The following ARHGAP39 variants were observed in gnomAD, a reference collection of about 807,000 sequenced individuals.
The protein encoded by ARHGAP39 is rho GTPase-activating protein 39.
A neutral mutation model predicts 106.9 loss-of-function variants in ARHGAP39; 44 were observed. That is an observed-to-expected ratio of 0.41 (90% CI 0.32 to 0.53). The LOEUF is 0.53. ARHGAP39 is among the 20% of genes least tolerant of loss of function. The pLI, the probability that ARHGAP39 is intolerant of heterozygous loss-of-function variation, is 0.21. For synonymous variants in ARHGAP39, 768 were observed against 693.2 expected, an observed-to-expected ratio of 1.11 and a Z score of -1.69; for missense variants, 1,496 against 1,577.3, an observed-to-expected ratio of 0.95 and a Z score of 0.87.
At chr8:144,662,509 G>A (rs112950952) in intron 1 of ARHGAP39, among the ~76,000 whole-genome samples, 6 of 94,704 alleles carry the variant, frequency 6.3e-5, no homozygotes, top group South Asian at 4.1e-4. Context: ...ACTGCTCCCC[G>A]TCAGCATTAT....
At chr8:144,673,114 G>C (rs1454416871) in intron 1 of ARHGAP39, among the ~76,000 whole-genome samples, 2 of 152,116 alleles carry the variant, frequency 1.3e-5, no homozygotes, top group Non-Finnish European at 2.9e-5. Flanking sequence ...CTACTTGGGA[G>C]GCTGAGGCAG....
At chr8:144,688,213 C>A (rs1225922027), upstream of ARHGAP39, among the ~76,000 whole-genome samples, 1 of 151,454 alleles carries the variant, frequency 6.6e-6, no homozygotes, top group Non-Finnish European at 1.5e-5. Flanking sequence ...AAGCAATTCT[C>A]CTGCCTCAAC....
intron 2 of ARHGAP39, among the ~76,000 whole-genome samples, chr8:144,583,798 G>A (rs1819088323): frequency 6.6e-6 from 1 of 152,034 alleles, no homozygotes. Context: ...TACTGTCATT[G>A]GAAAAAAAAC....
At chr8:144,643,808 T>A (rs1280790668) in intron 1 of ARHGAP39, among the ~76,000 whole-genome samples, 1 of 152,216 alleles carries the variant, frequency 6.6e-6, no homozygotes, top group Non-Finnish European at 1.5e-5. Context: ...CTTTTCATCT[T>A]CTTAATGGTG....
At chr8:144,698,087 TAGG>T in the ARHGAP39 span, among the ~76,000 whole-genome samples, 4 of 152,168 alleles carry the variant, frequency 2.6e-5, no homozygotes, top group Non-Finnish European at 4.4e-5. Context: ...TGGTACTTGG[TAGG>T]AGGTGTTTGG....
intron 5 of ARHGAP39, among the ~76,000 whole-genome samples, chr8:144,546,478 C>A (rs1817426893): frequency 6.6e-6 from 1 of 152,324 alleles, no homozygotes; most frequent in East Asian, 1.9e-4. Context: ...TGTGTTCCTC[C>A]TCCACCCTCC....
chr8:144,547,027 A>G lies in ARHGAP39; in HGVS notation c.1959+100T>C. On this transcript the variant is annotated intron_variant, in intron 5 of 11. Transcript: ENST00000377307. This position sits in a 1 kb window ranked among gnomAD's most constrained non-coding sequence, Gnocchi z 5.2. Reference sequence around the variant, plus strand: ...CTTCAGAACTCTGCGTGCTGCGTGCACGCCCTGGACGCCAGGTCTCCTGTG... The same window carrying G: ...CTTCAGAACTCTGCGTGCTGCGTGCGCGCCCTGGACGCCAGGTCTCCTGTG... The G allele has an allele frequency of 7.2e-7, 1 of 1,384,980 alleles. No individual in the cohort carries two copies. The highest frequency in any genetic ancestry group is 9.6e-7 in the Non-Finnish European group (1 of 1,045,852). The allele number at this position is 1,384,980 out of a possible 1,614,324, so 85.8% of individuals were successfully genotyped here.
rs1356251595 is a variant in ARHGAP39, at chr8:144,532,396, C to T, written c.2889G>A (p.Arg963=). The stretch of plus-strand genomic sequence containing the variant: ...TCACCTCGTCAATGTCCCCAGGGAC[C>T]CTGCAGGGCACAGGGCAGGTCTCAG... The part of the protein sequence containing the change: ...LNGDQTEGIF[R]VPGDIDEVNA... Residue 963 remains arginine (R), a splice_region_variant and synonymous_variant, in exon 10 of 12, where the codon AGG becomes AGA. Coordinates refer to ENST00000377307, the MANE Select transcript of ARHGAP39 (RefSeq NM_025251.3). The T allele has an allele frequency of 3.2e-6, 5 of 1,579,870 alleles. No homozygotes were observed. The Admixed American group carries it at 8.9e-5, about 28-fold the overall frequency.
In ARHGAP39 at chr8:144,534,232, ATGTGGGTG is replaced by A. The variant is rs760233362; in HGVS notation, c.2615-38_2615-31del. 3.4e-5 allele frequency: 55 copies of A among 1,610,268 alleles called. No homozygotes were observed. The African/African-American group carries it at 5.7e-4, about 17-fold the overall frequency. The stretch of plus-strand genomic sequence containing the variant: ...AAAGGAAAGGGGCCTGATCAGCCTG[ATGTGGGTG>A]TGTGGGTGTGGGGCCAGGAGAGGGG... On this transcript the variant is annotated intron_variant, in intron 7 of 11. Coordinates refer to ENST00000377307, the MANE Select transcript of ARHGAP39 (RefSeq NM_025251.3).
chr8:144,685,233 CCCA>C (rs1043618154), intron 1 of ARHGAP39, among the ~76,000 whole-genome samples: 13 of 150,984 alleles, frequency 8.6e-5, no homozygotes, highest in Admixed American at 2.6e-4. Context: ...CACACTCATA[CCCA>C]CCGTGGACAG....
intron 3 of ARHGAP39, among the ~76,000 whole-genome samples, chr8:144,559,009 C>G (rs952035336): frequency 1.3e-5 from 2 of 152,068 alleles, no homozygotes; most frequent in Non-Finnish European, 2.9e-5. Flanking sequence ...GAGTTTGAGA[C>G]CAGCCTGGCC....
rs1822107642 is a variant in ARHGAP39 at position 144,671,791 on chromosome 8, G to C, written c.-82+13895C>G. 6.6e-6 allele frequency among the ~76,000 whole-genome samples: 1 copy of C among 152,210 alleles called. No individual in the cohort carries two copies. The highest frequency in any genetic ancestry group is 2.1e-4 in the South Asian group (1 of 4,830). ...GGATGTTAGCACAACTCACTCCCGT[G>C]TCCCCCACCAGAGGCCTGGTCTGTC... is the stretch of plus-strand genomic sequence containing the variant. On this transcript the variant is annotated intron_variant, in intron 1 of 11. Coordinates refer to ENST00000377307, the MANE Select transcript of ARHGAP39 (RefSeq NM_025251.3). This position sits in a 1 kb window ranked among gnomAD's most constrained non-coding sequence, Gnocchi z 4.5.
chr8:144,541,972 T>C (rs1293565467), intron 6 of ARHGAP39, among the ~76,000 whole-genome samples: 2 of 26,234 alleles, frequency 7.6e-5, no homozygotes, highest in Non-Finnish European at 1.5e-4. Context: ...CCTTTCTGGG[T>C]TTTTTTTTTT....
chr8:144,564,782 A>G (rs780623830), intron 3 of ARHGAP39, among the ~76,000 whole-genome samples: 2 of 150,840 alleles, frequency 1.3e-5, no homozygotes, highest in Non-Finnish European at 3.0e-5. Context: ...GGAGTCTGAG[A>G]CCAGCCTGGG....
chr8:144,540,381 G>A (rs770163130), intron 6 of ARHGAP39, among the ~76,000 whole-genome samples: 4 of 152,120 alleles, frequency 2.6e-5, no homozygotes, highest in Non-Finnish European at 5.9e-5. Context: ...GGGCCACAGA[G>A]TCTCAGAATA....
chr8:144,647,284 A>G lies in ARHGAP39; in HGVS notation c.-82+38402T>C, dbSNP rs1821467850. Among the ~76,000 whole-genome samples the G allele has an allele frequency of 6.6e-6, 1 of 151,990 alleles. No homozygotes were observed. Among genetic ancestry groups the G allele is most frequent in the African/African-American group, 2.4e-5 (1 of 41,380 alleles). ...GCCCGGCCTGCTCTGACCCTTCTTA[A>G]AGCTCGAGCATGTGGCCCCAGTAAG... On this transcript the variant is annotated intron_variant, in intron 1 of 11. Transcript: ENST00000377307. This position sits in a 1 kb window ranked among gnomAD's most constrained non-coding sequence, Gnocchi z 4.8.
At chr8:144,668,758 A>T (rs1822024281) in intron 1 of ARHGAP39, among the ~76,000 whole-genome samples, 1 of 152,174 alleles carries the variant, frequency 6.6e-6, no homozygotes, top group Non-Finnish European at 1.5e-5. Flanking sequence ...AATTTAATAG[A>T]TCCTTATCAA....
chr8:144,552,417 G>A (rs1331298828), intron 4 of ARHGAP39, among the ~76,000 whole-genome samples: 6 of 152,272 alleles, frequency 3.9e-5, no homozygotes, highest in African/African-American at 1.4e-4. Context: ...CCAACCCAAT[G>A]CCGCAGGTTT....
chr8:144,632,274 G>T (rs904477403), intron 1 of ARHGAP39, among the ~76,000 whole-genome samples: 1 of 152,140 alleles, frequency 6.6e-6, no homozygotes, highest in South Asian at 2.1e-4. Context: ...CAGGAAAGCC[G>T]TGGAGCCCAC....
Sources: gnomAD v4.1 joint callset for allele counts (sites outside exome capture counted in the v4.1 genomes callset) on GRCh38, gnomAD v4.1.1 for gene constraint, Gnocchi (gnomAD v3.1) non-coding constraint, MANE v1.5 for transcripts, NCBI Gene and HGNC (gene_info 2026-07-23, HGNC 2026-07-21) for gene names.